PRKAG2: variants seen among roughly 807,000 people sequenced by gnomAD.
The protein encoded by PRKAG2 is protein kinase AMP-activated non-catalytic subunit gamma 2.
PRKAG2 carries 26 observed loss-of-function variants against 69.6 expected under a neutral mutation model. The ratio of observed to expected loss-of-function variants is 0.37; its 90% CI spans 0.27 to 0.52. The LOEUF is 0.52. Among genes scored for constraint, PRKAG2 ranks in the 20% least tolerant of loss-of-function variants. PRKAG2 has a pLI of 0.90. For synonymous variants in PRKAG2, 293 were observed against 285.0 expected (o/e 1.03, Z -0.28); for missense variants, 557 against 740.0 (o/e 0.75, Z 2.87).
intron 5 of PRKAG2, among the ~76,000 whole-genome samples, chr7:151,602,889 A>G (rs970464526): frequency 3.3e-5 from 5 of 152,200 alleles, no homozygotes; most frequent in African/African-American, 1.2e-4. Flanking sequence ...TGCTACCACG[A>G]AAGACGTGCC....
chr7:151,833,509 C>T (rs1051492680), intron 1 of PRKAG2, among the ~76,000 whole-genome samples: 11 of 152,138 alleles, frequency 7.2e-5, no homozygotes, highest in Admixed American at 5.2e-4. Flanking sequence ...CTGTGGGTGC[C>T]GCCCTCACCT....
intron 1 of PRKAG2, among the ~76,000 whole-genome samples, chr7:151,831,976 AC>A: frequency 6.6e-6 from 1 of 151,934 alleles, no homozygotes; most frequent in Non-Finnish European, 1.5e-5. Flanking sequence ...AAACTCACAC[AC>A]TGGGGCCTCC....
chr7:151,628,589 G>A (rs1823603175), intron 5 of PRKAG2, among the ~76,000 whole-genome samples: 2 of 152,046 alleles, frequency 1.3e-5, no homozygotes, highest in Admixed American at 1.3e-4. Context: ...GCATGCGCCT[G>A]TAGTCCCAGC....
chr7:151,862,929 T>C (rs547481323), intron 1 of PRKAG2, among the ~76,000 whole-genome samples: 2 of 150,470 alleles, frequency 1.3e-5, no homozygotes, highest in South Asian at 4.2e-4. Flanking sequence ...AGGGCACTGG[T>C]AGGCCTCTGG....
chr7:151,645,602 TG>T (rs1320820442), intron 4 of PRKAG2, among the ~76,000 whole-genome samples: 12 of 152,358 alleles, frequency 7.9e-5, no homozygotes, highest in African/African-American at 2.9e-4. Context: ...GCATTTAGGA[TG>T]TAAGTCCTTT....
At chr7:151,822,153 T>C (rs1293246144) in intron 1 of PRKAG2, among the ~76,000 whole-genome samples, 1 of 152,030 alleles carries the variant, frequency 6.6e-6, no homozygotes, top group Non-Finnish European at 1.5e-5. Context: ...AAGTAAATAA[T>C]AGAATGTTCC....
intron 5 of PRKAG2, among the ~76,000 whole-genome samples, chr7:151,610,677 A>G (rs1818578096): frequency 6.6e-6 from 1 of 151,800 alleles, no homozygotes; most frequent in African/African-American, 2.4e-5. Flanking sequence ...ACTCCATCTC[A>G]AAAACAAAAA....
At chr7:151,784,800 T>G (rs1441748489) in intron 2 of PRKAG2, among the ~76,000 whole-genome samples, 2 of 152,144 alleles carry the variant, frequency 1.3e-5, no homozygotes. Context: ...GGATCAGGCC[T>G]GAGGAGGGAG....
chr7:151,786,489 C>T lies in PRKAG2; in HGVS notation c.167G>A (p.Gly56Glu). The T allele has an allele frequency of 6.2e-7, 1 of 1,612,660 alleles. No homozygotes were observed. Among genetic ancestry groups the T allele is most frequent in the Non-Finnish European group, 8.5e-7 (1 of 1,179,534 alleles). The change falls in exon 2 of 16, where the codon GGA (glycine) becomes GAA (glutamate). Residue 56 changes from glycine to glutamate, a missense_variant. Gly to Glu is a moderately conservative substitution (Grantham distance 98, BLOSUM62 -2). Around this residue, in one of 2 missense-constraint regions of PRKAG2, gnomAD observed 352 missense variants for 356.7 expected, o/e 0.99. Coordinates refer to ENST00000287878, the MANE Select transcript of PRKAG2 (RefSeq NM_016203.4). ...TCTTACCTTTCGAGAGGAATGCTTTCCGGAACCCTCCAGGTCTCCGTCCAG... is the reference window on the plus strand; with the variant it reads ...TCTTACCTTTCGAGAGGAATGCTTTTCGGAACCCTCCAGGTCTCCGTCCAG... ...PLLDGDLEGS[G>E]KHSSRKVDSP...
At chr7:151,610,945 G>T (rs1818683528) in intron 5 of PRKAG2, among the ~76,000 whole-genome samples, 1 of 151,590 alleles carries the variant, frequency 6.6e-6, no homozygotes, top group Non-Finnish European at 1.5e-5. Context: ...GGTAGAGATG[G>T]GGTTTCACCA....
At chr7:151,652,951 G>T (rs1828786648) in intron 4 of PRKAG2, among the ~76,000 whole-genome samples, 1 of 152,056 alleles carries the variant, frequency 6.6e-6, no homozygotes, top group Admixed American at 6.6e-5. Context: ...AGTACACAGG[G>T]GTCCTGAGAC....
intron 1 of PRKAG2, among the ~76,000 whole-genome samples, chr7:151,829,246 T>C (rs1373380240): frequency 6.6e-6 from 1 of 152,224 alleles, no homozygotes; most frequent in Non-Finnish European, 1.5e-5. Flanking sequence ...GATTCACGAA[T>C]GATCAATAAG....
intron 1 of PRKAG2, chr7:151,809,427 G>A (rs193144585): frequency 5.1e-5 from 18 of 356,296 alleles, no homozygotes; most frequent in Admixed American, 2.5e-4. Context: ...TCCGGCAGGC[G>A]CTCGCTGTGG....
chr7:151,781,025 A>T lies in PRKAG2; in HGVS notation c.466+127T>A. The T allele has an allele frequency of 7.8e-7, 1 of 1,286,828 alleles. No individual in the cohort carries two copies. Among genetic ancestry groups the T allele is most frequent in the Non-Finnish European group, 1.1e-6 (1 of 897,560 alleles). The allele number at this position is 1,286,828 out of a possible 1,614,324, so 79.7% of individuals were successfully genotyped here. On this transcript the variant is annotated intron_variant, in intron 3 of 15. Coordinates refer to ENST00000287878, the MANE Select transcript of PRKAG2 (RefSeq NM_016203.4). This position sits in a 1 kb window ranked among gnomAD's most constrained non-coding sequence, Gnocchi z 6.1. ...GGGAAGTGGGGGTGGGGAGAAACAG[A>T]TACAGGCACTCAGCACCAAGCTGCT... is the stretch of plus-strand genomic sequence containing the variant.
intron 4 of PRKAG2, among the ~76,000 whole-genome samples, chr7:151,651,234 A>AT (rs1377178889): frequency 6.6e-6 from 1 of 152,234 alleles, no homozygotes; most frequent in Non-Finnish European, 1.5e-5. Flanking sequence ...GAAGATCTGC[A>AT]TTAGTCAGTG....
intron 1 of PRKAG2, among the ~76,000 whole-genome samples, chr7:151,839,083 T>C (rs887250170): frequency 1.3e-5 from 2 of 151,492 alleles, no homozygotes; most frequent in African/African-American, 4.9e-5. Context: ...GGCAGCTGCC[T>C]GACACCTCAG....
intron 4 of PRKAG2, among the ~76,000 whole-genome samples, chr7:151,635,479 A>G (rs1390174317): frequency 6.6e-6 from 1 of 152,210 alleles, no homozygotes; most frequent in Non-Finnish European, 1.5e-5. Flanking sequence ...TGGTAGGTCC[A>G]TCTATACCGT....
chr7:151,682,174 T>G (rs1298534701), intron 3 of PRKAG2, among the ~76,000 whole-genome samples: 1 of 152,320 alleles, frequency 6.6e-6, no homozygotes, highest in South Asian at 2.1e-4. Flanking sequence ...ATTCCTAAGC[T>G]TTTTTTCTTT....
At position 151,699,298 on chromosome 7, in the gene PRKAG2, GCTGC is replaced by G. The variant is rs771894127; in HGVS notation, c.467-23665_467-23662del. ...AGGTTGCCTCCCTCCCTGCGGTCAG[GCTGC>G]CTGCAGGCCTAGTCCCAGCAGATCT... On this transcript the variant is annotated intron_variant, in intron 3 of 15. Transcript: ENST00000287878. This position sits in a 1 kb window ranked among gnomAD's most constrained non-coding sequence, Gnocchi z 4.5. Among the ~76,000 whole-genome samples the G allele has an allele frequency of 7.2e-5, 11 of 152,344 alleles. No individual in the cohort carries two copies. In the Middle Eastern group the frequency reaches 0.01, roughly 141 times the overall value.
Sources: gnomAD v4.1 joint callset for allele counts (sites outside exome capture counted in the v4.1 genomes callset) on GRCh38, gnomAD v4.1.1 for gene constraint, gnomAD v4.1.1 regional missense constraint, Gnocchi (gnomAD v3.1) non-coding constraint, MANE v1.5 for transcripts, NCBI Gene and HGNC (gene_info 2026-07-23, HGNC 2026-07-21) for gene names.